Variants in COA1 observed in about 807,000 individuals in gnomAD.
The protein encoded by COA1 is cytochrome c oxidase assembly factor 1.
A neutral mutation model predicts 16.0 loss-of-function variants in COA1; 13 were observed. That is an observed-to-expected ratio of 0.81 (90% CI 0.53 to 1.29). The LOEUF is 1.29. Ranked by LOEUF, COA1 falls within the 50% of genes most tolerant of loss-of-function variation. COA1 has a pLI of 0.00. For missense variants in COA1, 179 were observed against 177.0 expected, an observed-to-expected ratio of 1.01 and a Z score of -0.06; for synonymous variants, 65 against 65.7, an observed-to-expected ratio of 0.99 and a Z score of 0.05.
intron 6 of COA1, chr7:43,624,670 A>T: frequency 1.2e-6 from 2 of 1,614,122 alleles, no homozygotes; most frequent in Non-Finnish European, 1.7e-6. Context: ...GATACCGACA[A>T]ATCAGAAACC....
intron 1 of COA1, among the ~76,000 whole-genome samples, chr7:43,714,664 TA>T (rs1455061810): frequency 6.7e-6 from 1 of 149,968 alleles, no homozygotes; most frequent in East Asian, 2.0e-4. Context: ...AGAAAATGTA[TA>T]AAAATGATTT....
At chr7:43,722,077 G>A (rs547875238) in intron 1 of COA1, among the ~76,000 whole-genome samples, 17 of 143,662 alleles carry the variant, frequency 1.2e-4, no homozygotes, top group African/African-American at 2.9e-4. Flanking sequence ...GACATTCACC[G>A]TTGATTCTGG....
rs541112634 is a variant in COA1 at position 43,647,016 on chromosome 7, T to C, written c.115+519A>G. On this transcript the variant is annotated intron_variant, in intron 3 of 5. Transcript: ENST00000223336. ...CTGTCTTTACAAATTCAAATTTGAG[T>C]GCAGTGGGGCTGGAAGCGGCATCTG... The C allele has an allele frequency of 1.4e-4, 24 of 170,332 alleles. No individual in the cohort carries two copies. The South Asian group carries it at 2.8e-3, about 20-fold the overall frequency. The allele number at this position is 170,332 out of a possible 1,614,324, so 10.6% of individuals were successfully genotyped here.
At position 43,715,510 on chromosome 7, in the gene COA1, T is replaced by C. The variant is rs187461905; in HGVS notation, c.-39+13919A>G. Among the ~76,000 whole-genome samples the C allele has an allele frequency of 1.9e-4, 29 of 152,084 alleles. No homozygotes were observed. The East Asian group carries it at 5.6e-3, about 29-fold the overall frequency. ...AAAAAAAAGAGTATGTTGCTTCATA[T>C]AAGCTTGTTTACCTTCTTAATGATT... On this transcript the variant is annotated intron_variant, in intron 1 of 5. Coordinates refer to ENST00000223336, the MANE Select transcript of COA1 (RefSeq NM_018224.4).
chr7:43,646,861 G>A, intron 3 of COA1: 1 of 254,972 alleles, frequency 3.9e-6, no homozygotes, highest in South Asian at 3.9e-5. Flanking sequence ...GTTGCAGAGT[G>A]GATGACGAGC....
chr7:43,654,633 C>T (rs2091428092), intron 1 of COA1, among the ~76,000 whole-genome samples: 1 of 151,686 alleles, frequency 6.6e-6, no homozygotes, highest in Non-Finnish European at 1.5e-5. Context: ...AAATGAAGAG[C>T]AAGAAAATGG....
At chr7:43,645,097 A>G (rs996305820) in intron 4 of COA1, among the ~76,000 whole-genome samples, 154 bp downstream of exon 4, 1 of 152,138 alleles carries the variant, frequency 6.6e-6, no homozygotes, top group Non-Finnish European at 1.5e-5. Flanking sequence ...ATTAAAATCC[A>G]TAATAGAAAA....
intron 6 of COA1, among the ~76,000 whole-genome samples, chr7:43,613,353 G>C (rs2083053912): frequency 6.6e-6 from 1 of 152,160 alleles, no homozygotes; most frequent in Non-Finnish European, 1.5e-5. Context: ...GAGTAACCTA[G>C]AGATGATTTA....
At chr7:43,680,283 C>CAAAA (rs552891478) in intron 1 of COA1, among the ~76,000 whole-genome samples, 5 of 72,902 alleles carry the variant, frequency 6.9e-5, no homozygotes, top group Admixed American at 1.3e-4. Flanking sequence ...GACAGGGAGA[C>CAAAA]AAAAAAAAAA....
chr7:43,711,966 T>C (rs1358362457), intron 1 of COA1, among the ~76,000 whole-genome samples: 2 of 152,178 alleles, frequency 1.3e-5, no homozygotes, highest in African/African-American at 2.4e-5. Flanking sequence ...AAGTGTCCAC[T>C]ACCCCTATTA....
chr7:43,664,128 A>AGAGAGAGAGAGAGAGAGAGG (rs963621045), intron 1 of COA1, among the ~76,000 whole-genome samples: 1 of 147,934 alleles, frequency 6.8e-6, no homozygotes, highest in Non-Finnish European at 1.5e-5. Context: ...AGAGAGAGAG[A>AGAGAGAGAGAGAGAGAGAGG]GAGTCTTGCT....
intron 1 of COA1, 31 bp from the exon 2 acceptor site, chr7:43,648,683 C>A (rs1235352496): frequency 1.7e-5 from 27 of 1,555,438 alleles, no homozygotes; most frequent in African/African-American, 6.8e-5. Context: ...ACATTAAAAT[C>A]ATATTTTTAA....
intron 1 of COA1, among the ~76,000 whole-genome samples, chr7:43,729,161 G>A (rs1413521515): frequency 1.3e-5 from 2 of 152,224 alleles, no homozygotes; most frequent in Non-Finnish European, 2.9e-5. Context: ...GTTGGGGATG[G>A]TCAGCAAAAA....
At chr7:43,689,852 G>A (rs571991731) in intron 1 of COA1, among the ~76,000 whole-genome samples, 3 of 152,222 alleles carry the variant, frequency 2.0e-5, no homozygotes, top group Non-Finnish European at 4.4e-5. Context: ...GATAAGCTTA[G>A]AGACATATAA....
chr7:43,661,543 G>A (rs1004849197), intron 1 of COA1, among the ~76,000 whole-genome samples: 4 of 152,074 alleles, frequency 2.6e-5, no homozygotes, highest in Non-Finnish European at 4.4e-5. Flanking sequence ...GCTGAGGCAG[G>A]AGAATGGCGT....
chr7:43,648,475 A>G (rs777153849), intron 2 of COA1, 125 bp downstream of exon 2: 35 of 999,730 alleles, frequency 3.5e-5, no homozygotes, highest in South Asian at 2.4e-4. Flanking sequence ...AAGTTAAAGC[A>G]CAAGTGAACC....
chr7:43,649,256 A>T (rs1284950475), intron 1 of COA1: 2 of 152,332 alleles, frequency 1.3e-5, no homozygotes, highest in African/African-American at 4.8e-5. Flanking sequence ...AGAAAGGTTA[A>T]GTAACATGCC....
At chr7:43,647,978 C>T in intron 2 of COA1, 2 of 264,948 alleles carry the variant, frequency 7.5e-6, no homozygotes, top group East Asian at 1.6e-4. Flanking sequence ...AGCACAACCA[C>T]TTTGTCTCAG....
chr7:43,673,646 T>C (rs1324565464), intron 1 of COA1, among the ~76,000 whole-genome samples: 2 of 152,202 alleles, frequency 1.3e-5, no homozygotes, highest in Non-Finnish European at 2.9e-5. Flanking sequence ...TTATTGCGTA[T>C]ATACCCAAAG....
Sources: allele counts gnomAD v4.1 joint callset (sites outside exome capture counted in the v4.1 genomes callset), GRCh38; gene constraint gnomAD v4.1.1; transcripts MANE v1.5; gene names NCBI Gene and HGNC (gene_info 2026-07-23, HGNC 2026-07-21).